The following SEM1 variants were observed in gnomAD, a reference collection of about 807,000 sequenced individuals.
The protein encoded by SEM1 is SEM1 26S proteasome subunit.
In SEM1, 3 loss-of-function variants were observed where a neutral mutation model predicts 12.7. That is an observed-to-expected ratio of 0.24 (90% CI 0.11 to 0.61). SEM1 has a LOEUF of 0.61. Ranked by LOEUF, SEM1 falls within the 20% of genes least tolerant of loss-of-function variation. The pLI is 0.88. For missense variants in SEM1, 59 were observed against 81.3 expected, an observed-to-expected ratio of 0.73 and a Z score of 1.06; for synonymous variants, 30 against 27.8, an observed-to-expected ratio of 1.08 and a Z score of -0.25.
At chr7:96,619,417 G>A (rs1807821444), downstream of SEM1, among the ~76,000 whole-genome samples, 3 of 152,142 alleles carry the variant, frequency 2.0e-5, no homozygotes, top group South Asian at 6.2e-4. Context: ...ATTAGCTGAG[G>A]TTGTGGTGAA....
chr7:96,548,564 A>G (rs983574716), intron 2 of SEM1, among the ~76,000 whole-genome samples: 1 of 152,180 alleles, frequency 6.6e-6, no homozygotes, highest in African/African-American at 2.4e-5. Context: ...AGCCACAGCT[A>G]TGTCTGAGAA....
intron 2 of SEM1, among the ~76,000 whole-genome samples, chr7:96,674,182 TTC>T (rs1789395074): frequency 6.6e-6 from 1 of 152,216 alleles, no homozygotes; most frequent in South Asian, 2.1e-4. Flanking sequence ...ATTTGTCCAC[TTC>T]TGTCTTCCTT....
In SEM1 at chr7:96,535,359, TC is replaced by T. The variant is rs1804755840; in HGVS notation, c.171-28662del. The stretch of plus-strand genomic sequence containing the variant: ...ACATATGGTTAACTTTGTGTTTTTT[TC>T]TTTTCGAATATATGTATTTAATGCT... On this transcript the variant is annotated intron_variant and NMD_transcript_variant, in intron 2 of 3. Coordinates refer to the SEM1 transcript ENST00000466986. 7.2e-5 allele frequency among the ~76,000 whole-genome samples: 11 copies of T among 152,108 alleles called. No homozygotes were observed. In the South Asian group the frequency reaches 2.3e-3, roughly 32 times the overall value.
At chr7:96,687,227 G>T (rs1789787649), downstream of SEM1, among the ~76,000 whole-genome samples, 1 of 152,156 alleles carries the variant, frequency 6.6e-6, no homozygotes, top group African/African-American at 2.4e-5. Context: ...AGTCAGTGTG[G>T]CGATTCCTCA....
rs1351076750 is a variant in SEM1 at position 96,584,064 on chromosome 7, G to A, written c.171-77366C>T. ...GTTGATGCAGTTTCTTCCTAGTCTC[G>A]ATGGCCTTTACATTTTGGCATGATT... On this transcript the variant is annotated intron_variant and NMD_transcript_variant, in intron 2 of 3. Coordinates refer to the SEM1 transcript ENST00000466986. 3.9e-5 allele frequency among the ~76,000 whole-genome samples: 6 copies of A among 152,162 alleles called. No homozygotes were observed. In the East Asian group the frequency reaches 9.7e-4, roughly 25 times the overall value.
At chr7:96,636,899 A>G (rs1808445606) in intron 2 of SEM1, among the ~76,000 whole-genome samples, 2 of 152,092 alleles carry the variant, frequency 1.3e-5, no homozygotes, top group East Asian at 3.9e-4. Flanking sequence ...AGCATGTTGC[A>G]AAGATGAGAA....
chr7:96,700,168 C>A (rs1477498212), intron 1 of SEM1, among the ~76,000 whole-genome samples: 1 of 150,996 alleles, frequency 6.6e-6, no homozygotes, highest in East Asian at 2.0e-4. Context: ...AGGAAACACT[C>A]AACAAATACA....
chr7:96,683,349 A>T (rs1042717766), intron 2 of SEM1, among the ~76,000 whole-genome samples: 2 of 152,128 alleles, frequency 1.3e-5, no homozygotes, highest in African/African-American at 4.8e-5. Context: ...ATCTCATGCC[A>T]GTTTGAATGA....
intron 2 of SEM1, among the ~76,000 whole-genome samples, chr7:96,657,516 G>A (rs1330507890): frequency 1.3e-5 from 2 of 152,122 alleles, no homozygotes; most frequent in Admixed American, 6.5e-5. Context: ...GACTACAAAG[G>A]TATTCTCAGC....
At chr7:96,582,888 G>A (rs202141662) in intron 2 of SEM1, among the ~76,000 whole-genome samples, 3,784 of 152,088 alleles carry the variant, frequency 0.025, 126 homozygotes, top group African/African-American at 0.085. Context: ...TCTTGCTAGC[G>A]ATCTATCAAT....
At chr7:96,674,210 C>A (rs1488936924) in intron 2 of SEM1, among the ~76,000 whole-genome samples, 1 of 152,128 alleles carries the variant, frequency 6.6e-6, no homozygotes, top group East Asian at 1.9e-4. Context: ...CACCACTAGA[C>A]TGTTAAGATC....
intron 2 of SEM1, among the ~76,000 whole-genome samples, chr7:96,549,636 T>C (rs554760906): frequency 6.6e-6 from 1 of 152,326 alleles, no homozygotes; most frequent in South Asian, 2.1e-4. Flanking sequence ...GTCTTGGAGG[T>C]ACACTGCTCT....
intron 2 of SEM1, among the ~76,000 whole-genome samples, chr7:96,511,589 T>C (rs905936278): frequency 6.6e-6 from 1 of 152,028 alleles, no homozygotes; most frequent in African/African-American, 2.4e-5. Context: ...AAATTTAGGT[T>C]GGAATATAAT....
At chr7:96,626,044 T>G (rs1028735141) in intron 2 of SEM1, among the ~76,000 whole-genome samples, 1 of 152,194 alleles carries the variant, frequency 6.6e-6, no homozygotes, top group South Asian at 2.1e-4. Context: ...TTCAGTTATT[T>G]TAAAATGTAT....
intron 2 of SEM1, among the ~76,000 whole-genome samples, chr7:96,606,786 T>G (rs1807393112): frequency 6.6e-6 from 1 of 152,166 alleles, no homozygotes; most frequent in African/African-American, 2.4e-5. Context: ...TGTAGGCACA[T>G]TTGTACCATT....
chr7:96,536,452 A>G (rs1804787571), intron 2 of SEM1, among the ~76,000 whole-genome samples: 1 of 151,800 alleles, frequency 6.6e-6, no homozygotes, highest in Admixed American at 6.6e-5. Context: ...CATGCTGGTC[A>G]GGTCACATGA....
At chr7:96,565,713 AAAG>A (rs1366458899) in intron 2 of SEM1, among the ~76,000 whole-genome samples, 1 of 151,920 alleles carries the variant, frequency 6.6e-6, no homozygotes, top group Non-Finnish European at 1.5e-5. Flanking sequence ...AAAGCTTTAA[AAAG>A]AAGACTTTTT....
intron 2 of SEM1, among the ~76,000 whole-genome samples, chr7:96,570,992 T>C (rs1219069148): frequency 6.6e-6 from 1 of 151,614 alleles, no homozygotes; most frequent in Non-Finnish European, 1.5e-5. Context: ...GTTTGTTGGC[T>C]GTATAAATGT....
intron 2 of SEM1, among the ~76,000 whole-genome samples, chr7:96,518,839 T>C (rs536132776): frequency 3.3e-5 from 5 of 152,184 alleles, no homozygotes; most frequent in Non-Finnish European, 7.3e-5. Context: ...TATAAGCTAA[T>C]ACTGTACATG....
Sources: gnomAD v4.1 joint callset for allele counts (sites outside exome capture counted in the v4.1 genomes callset) on GRCh38, gnomAD v4.1.1 for gene constraint, MANE v1.5 for transcripts, NCBI Gene and HGNC (gene_info 2026-07-23, HGNC 2026-07-21) for gene names.